PKNOX2: variants seen among roughly 807,000 people sequenced by gnomAD.
PKNOX2 encodes the protein PBX/knotted 1 homeobox 2, also known as homeobox protein PKNOX2.
PKNOX2 carries 14 observed loss-of-function variants against 53.1 expected under a neutral mutation model. The ratio of observed to expected loss-of-function variants is 0.26; its 90% CI spans 0.17 to 0.41. PKNOX2 has a LOEUF of 0.41. Ranked by LOEUF, PKNOX2 falls within the 10% of genes least tolerant of loss-of-function variation. The pLI is 1.00. For synonymous variants in PKNOX2, 257 were observed against 242.8 expected (o/e 1.06, Z -0.54); for missense variants, 496 against 602.8 (o/e 0.82, Z 1.85).
At chr11:125,338,970 TA>T (rs1235386891) in intron 3 of PKNOX2, among the ~76,000 whole-genome samples, 1 of 152,220 alleles carries the variant, frequency 6.6e-6, no homozygotes, top group Non-Finnish European at 1.5e-5. Flanking sequence ...CACTGCGAGT[TA>T]TAATTTTCAG....
chr11:125,394,179 T>C (rs144747423), intron 6 of PKNOX2, among the ~76,000 whole-genome samples: 2 of 152,350 alleles, frequency 1.3e-5, no homozygotes, highest in East Asian at 3.9e-4. Flanking sequence ...TACCTTATCC[T>C]GTGCTCATTA....
At chr11:125,164,801 CAG>C in intron 1 of PKNOX2, 25 bp downstream of exon 1, 1 of 176,424 alleles carries the variant, frequency 5.7e-6, no homozygotes, top group South Asian at 1.2e-4. Flanking sequence ...ATTTCCATGT[CAG>C]AGACGCTTTT....
At chr11:125,245,421 G>A (rs1215014884) in intron 2 of PKNOX2, among the ~76,000 whole-genome samples, 1 of 152,238 alleles carries the variant, frequency 6.6e-6, no homozygotes, top group African/African-American at 2.4e-5. Flanking sequence ...CTGCTAAAAA[G>A]CAGAGCCACC....
chr11:125,245,874 G>A (rs1178141371), intron 2 of PKNOX2, among the ~76,000 whole-genome samples: 1 of 152,240 alleles, frequency 6.6e-6, no homozygotes, highest in African/African-American at 2.4e-5. Flanking sequence ...GGAGGGAAGT[G>A]ATGCCAAGGC....
intron 2 of PKNOX2, among the ~76,000 whole-genome samples, chr11:125,247,002 T>A (rs1723175208): frequency 6.6e-6 from 1 of 152,142 alleles, no homozygotes; most frequent in African/African-American, 2.4e-5. Context: ...TTCCTAGAAA[T>A]GACAATCTAC....
intron 1 of PKNOX2, among the ~76,000 whole-genome samples, chr11:125,217,592 C>T (rs201252549): frequency 3.3e-5 from 5 of 152,160 alleles, no homozygotes; most frequent in African/African-American, 1.2e-4. Context: ...CAGTGCACAT[C>T]GGCTGTCTCC....
At chr11:125,406,951 A>T (rs1955146987) in intron 7 of PKNOX2, among the ~76,000 whole-genome samples, 1 of 139,880 alleles carries the variant, frequency 7.1e-6, no homozygotes, top group Non-Finnish European at 1.5e-5. Context: ...AAAAAAGCAC[A>T]CTCAAGGCAG....
intron 2 of PKNOX2, among the ~76,000 whole-genome samples, chr11:125,320,887 G>A (rs1197007849): frequency 6.6e-6 from 1 of 152,134 alleles, no homozygotes; most frequent in Non-Finnish European, 1.5e-5. Context: ...GCTTTGCCTG[G>A]CATGGTCTCC....
intron 7 of PKNOX2, among the ~76,000 whole-genome samples, chr11:125,406,315 C>T (rs905027077): frequency 1.3e-5 from 2 of 152,190 alleles, no homozygotes; most frequent in Non-Finnish European, 1.5e-5. Flanking sequence ...AGTTGTGGGG[C>T]TAGTCAGAGA....
chr11:125,234,480 T>C (rs1347733110), intron 1 of PKNOX2, among the ~76,000 whole-genome samples: 2 of 152,236 alleles, frequency 1.3e-5, no homozygotes, highest in African/African-American at 4.8e-5. Flanking sequence ...TTCTTCTCTA[T>C]GCACATTTTT....
In PKNOX2 at chr11:125,367,883, C is replaced by G; in HGVS notation, c.125C>G (p.Ala42Gly). 6.2e-7 allele frequency: 1 copy of G among 1,613,534 alleles called. No individual in the cohort carries two copies. The highest frequency in any genetic ancestry group is 8.5e-7 in the Non-Finnish European group (1 of 1,179,902). The change falls in exon 5 of 13, where the codon GCT (alanine) becomes GGT (glycine). Residue 42 changes from alanine to glycine, a missense_variant. Ala to Gly is a moderately conservative substitution (Grantham distance 60, BLOSUM62 0). Coordinates refer to ENST00000298282, the MANE Select transcript of PKNOX2 (RefSeq NM_001382323.2). The stretch of plus-strand genomic sequence containing the variant: ...GCCCAGCCACCCTCCAAGGCCCAGG[C>G]TGTCCACATCTCTGCCCCCTCAGCT... The part of the protein sequence containing the change: ...ATAQPPSKAQ[A>G]VHISAPSAAA...
intron 3 of PKNOX2, among the ~76,000 whole-genome samples, chr11:125,346,387 CA>C (rs2136181241): frequency 6.6e-6 from 1 of 152,306 alleles, no homozygotes; most frequent in South Asian, 2.1e-4. Flanking sequence ...AAATCCTGGG[CA>C]AAGGCTTCCC....
chr11:125,263,865 G>T (rs1425909101), intron 2 of PKNOX2, among the ~76,000 whole-genome samples: 1 of 152,230 alleles, frequency 6.6e-6, no homozygotes, highest in Non-Finnish European at 1.5e-5. Context: ...AGCTGCCTTG[G>T]CTGGGTTCAG....
intron 2 of PKNOX2, among the ~76,000 whole-genome samples, chr11:125,322,506 G>A (rs912274945): frequency 1.3e-5 from 2 of 152,188 alleles, no homozygotes; most frequent in African/African-American, 4.8e-5. Context: ...ATGAAGTGAA[G>A]CCCACTAATG....
intron 1 of PKNOX2, among the ~76,000 whole-genome samples, chr11:125,182,899 G>A (rs1445524847): frequency 6.6e-6 from 1 of 152,220 alleles, no homozygotes; most frequent in Non-Finnish European, 1.5e-5. Context: ...GGCTTTAAGT[G>A]TGTCTTTTTC....
intron 2 of PKNOX2, among the ~76,000 whole-genome samples, chr11:125,328,842 A>G (rs1358652673): frequency 6.6e-6 from 1 of 152,174 alleles, no homozygotes; most frequent in Admixed American, 6.5e-5. Flanking sequence ...CCTAAGCCTC[A>G]TTTTCCACAT....
chr11:125,376,159 A>G (rs945570682), intron 5 of PKNOX2, among the ~76,000 whole-genome samples: 12 of 152,248 alleles, frequency 7.9e-5, no homozygotes, highest in African/African-American at 2.9e-4. Flanking sequence ...TGGGCCCCAC[A>G]CTTGCCGGGA....
chr11:125,189,322 G>T, intron 1 of PKNOX2, among the ~76,000 whole-genome samples: 1 of 140,466 alleles, frequency 7.1e-6, no homozygotes, highest in South Asian at 2.4e-4. Context: ...ATAGGAACAA[G>T]CCCACCAAGA....
In PKNOX2 at chr11:125,165,913, G is replaced by T. The variant is rs1052687402; in HGVS notation, c.-201+1137G>T. 6.6e-6 allele frequency among the ~76,000 whole-genome samples: 1 copy of T among 152,144 alleles called. No individual in the cohort carries two copies. The highest frequency in any genetic ancestry group is 6.5e-5 in the Admixed American group (1 of 15,288). ...TAGGAGACGGGCTTTCCTGGCTCCC[G>T]ATCCCCAGGAAGAAACGAGCGAAAT... On this transcript the variant is annotated intron_variant, in intron 1 of 12. Transcript: ENST00000298282. This position sits in a 1 kb window ranked among gnomAD's most constrained non-coding sequence, Gnocchi z 4.5.
Sources: gnomAD v4.1 joint callset for allele counts (sites outside exome capture counted in the v4.1 genomes callset) on GRCh38, gnomAD v4.1.1 for gene constraint, Gnocchi (gnomAD v3.1) non-coding constraint, MANE v1.5 for transcripts, NCBI Gene and HGNC (gene_info 2026-07-23, HGNC 2026-07-21) for gene names.